PLCZ1: variants seen among roughly 807,000 people sequenced by gnomAD.
PLCZ1 encodes the protein phospholipase C zeta 1, also known as 1-phosphatidylinositol 4,5-bisphosphate phosphodiesterase zeta-1.
PLCZ1 carries 64 observed loss-of-function variants against 76.8 expected under a neutral mutation model. The observed-to-expected ratio is 0.83, with a 90% CI of 0.68 to 1.03. PLCZ1 has a LOEUF of 1.03. Ranked by LOEUF, PLCZ1 falls within the 50% of genes least tolerant of loss-of-function variation. The pLI, the probability that PLCZ1 is intolerant of heterozygous loss-of-function variation, is 0.00. For missense variants in PLCZ1, 751 were observed against 713.7 expected (o/e 1.05, Z -0.60); for synonymous variants, 248 against 230.8 (o/e 1.07, Z -0.68).
Position 18,712,980 on chromosome 12 carries a change from A to C in PLCZ1, c.576T>G (p.Leu192=), listed in dbSNP as rs1334702943. 1.1e-5 allele frequency: 17 copies of C among 1,613,790 alleles called. No homozygotes were observed. The highest frequency in any genetic ancestry group is 1.4e-5 in the Non-Finnish European group (17 of 1,179,852). ...TCTCCAAACAACGGCATCCTTTCAC[A>C]AGGGCACTAGCAAAATTTCAGCAAA... The part of the protein sequence containing the change: ...PSDLWGYVSA[L]VKGCRCLEID... The change falls in exon 6 of 15, where the codon CTT becomes CTG. Residue 192 remains leucine (L), a synonymous_variant. Transcript: ENST00000266505.
At chr12:18,705,072 A>C in intron 7 of PLCZ1, 94 bp downstream of exon 7, 1 of 1,473,764 alleles carries the variant, frequency 6.8e-7, no homozygotes, top group Non-Finnish European at 9.5e-7. Flanking sequence ...AAGCATTTTC[A>C]TTGGTCTCTA....
the PLCZ1 span, among the ~76,000 whole-genome samples, chr12:18,655,762 A>T: frequency 4.6e-5 from 7 of 152,080 alleles, no homozygotes; most frequent in African/African-American, 1.4e-4. Flanking sequence ...AAAAAAAAAA[A>T]AAAATCAGAA....
At chr12:18,654,628 C>T in the PLCZ1 span, among the ~76,000 whole-genome samples, 1 of 152,056 alleles carries the variant, frequency 6.6e-6, no homozygotes, top group African/African-American at 2.4e-5. Flanking sequence ...ACTGTTATTC[C>T]AGGTAAAAGT....
chr12:18,657,014 ATC>A, the PLCZ1 span, among the ~76,000 whole-genome samples: 1 of 152,068 alleles, frequency 6.6e-6, no homozygotes, highest in Non-Finnish European at 1.5e-5. Flanking sequence ...AGTAAAATAG[ATC>A]TCATTCTGAC....
chr12:18,737,249 TTAAA>T, intron 2 of PLCZ1, 108 bp downstream of exon 2: 1 of 1,188,122 alleles, frequency 8.4e-7, no homozygotes, highest in Non-Finnish European at 1.3e-6. Flanking sequence ...GCAGTTCAAC[TTAAA>T]TGAAGAGGAC....
intron 5 of PLCZ1, among the ~76,000 whole-genome samples, chr12:18,714,404 AACTG>A (rs1357725662): frequency 6.6e-6 from 1 of 152,166 alleles, no homozygotes; most frequent in Non-Finnish European, 1.5e-5. Flanking sequence ...GTTTGACATA[AACTG>A]ACTGTTAGTA....
At chr12:18,678,004 G>A in the PLCZ1 span, among the ~76,000 whole-genome samples, 13 of 152,082 alleles carry the variant, frequency 8.5e-5, no homozygotes, top group Admixed American at 7.2e-4. Context: ...TAAAGAATAT[G>A]AGAAATATAA....
chr12:18,736,750 T>C (rs770413751), intron 2 of PLCZ1: 282 of 1,120,496 alleles, frequency 2.5e-4, no homozygotes, highest in Non-Finnish European at 3.3e-4. Context: ...ACCCTGAATC[T>C]TAAGGAAAGT....
At chr12:18,730,059 A>T (rs1272565966) in intron 3 of PLCZ1, among the ~76,000 whole-genome samples, 1 of 152,124 alleles carries the variant, frequency 6.6e-6, no homozygotes, top group Non-Finnish European at 1.5e-5. Context: ...ATCATGTGAG[A>T]TAGCTATGTT....
chr12:18,699,466 C>T (rs73060542), intron 10 of PLCZ1, among the ~76,000 whole-genome samples: 9,022 of 152,168 alleles, frequency 0.059, 374 homozygotes, highest in Middle Eastern at 0.095. Flanking sequence ...AAGTTCAAGC[C>T]TTCTAATTCG....
At chr12:18,730,663 C>T (rs988448976) in intron 3 of PLCZ1, among the ~76,000 whole-genome samples, 13 of 152,044 alleles carry the variant, frequency 8.6e-5, no homozygotes, top group African/African-American at 3.1e-4. Flanking sequence ...TGAGCCATTT[C>T]CGTACTTTTA....
At chr12:18,721,861 A>G (rs1384112536) in intron 4 of PLCZ1, among the ~76,000 whole-genome samples, 5 of 152,140 alleles carry the variant, frequency 3.3e-5, no homozygotes, top group East Asian at 1.9e-4. Context: ...ACTCAACTCA[A>G]TGACACCACT....
chr12:18,648,862 A>G, the PLCZ1 span, among the ~76,000 whole-genome samples: 1 of 152,152 alleles, frequency 6.6e-6, no homozygotes. Flanking sequence ...CTTTAAAACA[A>G]TCAAAAAAAT....
the PLCZ1 span, among the ~76,000 whole-genome samples, chr12:18,646,102 G>A: frequency 6.6e-6 from 1 of 152,154 alleles, no homozygotes; most frequent in African/African-American, 2.4e-5. Context: ...ATGAATTACA[G>A]TGGTAGGGTT....
At chr12:18,724,724 A>G (rs909302124) in intron 3 of PLCZ1, among the ~76,000 whole-genome samples, 3 of 152,102 alleles carry the variant, frequency 2.0e-5, no homozygotes, top group Non-Finnish European at 4.4e-5. Flanking sequence ...GTGGAAGCGG[A>G]TGTTATAGAA....
At chr12:18,663,469 A>G in the PLCZ1 span, among the ~76,000 whole-genome samples, 6 of 152,292 alleles carry the variant, frequency 3.9e-5, no homozygotes, top group East Asian at 9.7e-4. Flanking sequence ...GGATATGCAT[A>G]GGTTATATGC....
At chr12:18,646,448 C>T in the PLCZ1 span, among the ~76,000 whole-genome samples, 18,332 of 152,068 alleles carry the variant, frequency 0.12, 1,432 homozygotes, top group African/African-American at 0.21. Flanking sequence ...TTGATTGAAC[C>T]TATTTACTTG....
intron 5 of PLCZ1, chr12:18,714,674 T>C (rs1957738207): frequency 6.6e-6 from 1 of 152,128 alleles, no homozygotes; most frequent in Non-Finnish European, 1.5e-5. Context: ...TACAGGCTAC[T>C]GGTTTTCCAC....
chr12:18,734,571 G>A (rs1483294205), intron 3 of PLCZ1, among the ~76,000 whole-genome samples: 8 of 152,178 alleles, frequency 5.3e-5, no homozygotes, highest in Non-Finnish European at 1.0e-4. Flanking sequence ...GGCTGGCCTC[G>A]AACTCCTGAC....
Sources: allele counts gnomAD v4.1 joint callset (sites outside exome capture counted in the v4.1 genomes callset), GRCh38; gene constraint gnomAD v4.1.1; transcripts MANE v1.5; gene names NCBI Gene and HGNC (gene_info 2026-07-23, HGNC 2026-07-21).